Variants in OVOL2 observed in about 807,000 individuals in gnomAD.
The protein encoded by OVOL2 is transcription factor Ovo-like 2.
In OVOL2, 13 loss-of-function variants were observed where a neutral mutation model predicts 18.1. That is an observed-to-expected ratio of 0.72 (90% CI 0.47 to 1.14). The LOEUF (loss-of-function observed/expected upper bound fraction) is 1.14, where lower values mean the gene tolerates loss of function less well. Ranked by LOEUF, OVOL2 falls within the 50% of genes most tolerant of loss-of-function variation. The pLI, the probability that OVOL2 is intolerant of heterozygous loss-of-function variation, is 0.00. For missense variants in OVOL2, 335 were observed against 383.0 expected (o/e 0.87, Z 1.05); for synonymous variants, 166 against 162.7 (o/e 1.02, Z -0.16).
At chr20:18,047,853 C>CAA (rs34668253) in intron 2 of OVOL2, among the ~76,000 whole-genome samples, 7,248 of 46,938 alleles carry the variant, frequency 0.15, 1,112 homozygotes, top group South Asian at 0.19. Context: ...GACTCCGTCT[C>CAA]AAAAAAAAAA....
Position 18,024,607 on chromosome 20 carries a change from G to T in OVOL2, c.*29C>A. The T allele has an allele frequency of 6.5e-7, 1 of 1,537,894 alleles. No individual in the cohort carries two copies. Among genetic ancestry groups the T allele is most frequent in the Non-Finnish European group, 8.8e-7 (1 of 1,138,764 alleles). On this transcript the variant is annotated 3_prime_UTR_variant, in exon 4 of 4. Coordinates refer to ENST00000278780, the MANE Select transcript of OVOL2 (RefSeq NM_021220.4). ...AATCCACGTAGACATACGTGGCAGT[G>T]TGAACGTCTGTCCTCCCCTTCCTTC...
intron 3 of OVOL2, among the ~76,000 whole-genome samples, chr20:18,041,295 C>T (rs1254842597): frequency 7.0e-6 from 1 of 142,592 alleles, no homozygotes; most frequent in Non-Finnish European, 1.5e-5. Flanking sequence ...TCCCAAGTAG[C>T]TGGGATTACA....
intron 3 of OVOL2, among the ~76,000 whole-genome samples, chr20:18,034,534 T>C (rs370715398): frequency 6.6e-6 from 1 of 152,150 alleles, no homozygotes; most frequent in Admixed American, 6.5e-5. Context: ...CCACTTGTTT[T>C]CACAAAATAT....
At chr20:18,044,676 G>A (rs1043190538) in intron 2 of OVOL2, among the ~76,000 whole-genome samples, 3 of 152,214 alleles carry the variant, frequency 2.0e-5, no homozygotes, top group Admixed American at 1.3e-4. Flanking sequence ...TAGTGGGGGT[G>A]CAGGCAAGTC....
intron 3 of OVOL2, among the ~76,000 whole-genome samples, chr20:18,038,441 T>C (rs1294394947): frequency 6.6e-6 from 1 of 152,154 alleles, no homozygotes; most frequent in Admixed American, 6.5e-5. Context: ...TTAGAACAAG[T>C]CTCACAGTCA....
At chr20:18,031,463 G>C (rs2036569896) in intron 3 of OVOL2, among the ~76,000 whole-genome samples, 1 of 152,158 alleles carries the variant, frequency 6.6e-6, no homozygotes, top group East Asian at 1.9e-4. Flanking sequence ...TGTAATCCCA[G>C]CTACTCGGGA....
intron 2 of OVOL2, among the ~76,000 whole-genome samples, chr20:18,046,618 T>C (rs973192787): frequency 1.3e-5 from 2 of 152,150 alleles, no homozygotes; most frequent in African/African-American, 4.8e-5. Context: ...AACGTATCAT[T>C]CTCTCCAGAC....
At chr20:18,027,202 C>T (rs6045141) in intron 3 of OVOL2, among the ~76,000 whole-genome samples, 110,838 of 151,940 alleles carry the variant, frequency 0.73, 41,378 homozygotes, top group African/African-American at 0.91. Flanking sequence ...TTCCCGTAGG[C>T]CATATCAGCA....
Position 18,041,424 on chromosome 20 carries a change from A to G in OVOL2, c.511+110T>C, listed in dbSNP as rs2036666828. ...GTGATCCGCATCTTGTGATCTTTCT[A>G]GAAACACAACATTGTTCCACGGTCT... On this transcript the variant is annotated intron_variant, in intron 3 of 3. Coordinates refer to ENST00000278780, the MANE Select transcript of OVOL2 (RefSeq NM_021220.4). The G allele has an allele frequency of 3.8e-6, 5 of 1,312,360 alleles. No homozygotes were observed. The South Asian group carries it at 6.1e-5, about 16-fold the overall frequency. 81.3% of individuals were successfully genotyped at this position (1,312,360 alleles called of 1,614,324 possible).
chr20:18,057,522 C>G lies in OVOL2; in HGVS notation c.100+13G>C, dbSNP rs771358285. On this transcript the variant is annotated intron_variant, in intron 1 of 3. Coordinates refer to ENST00000278780, the MANE Select transcript of OVOL2 (RefSeq NM_021220.4). This position sits in a 1 kb window ranked among gnomAD's most constrained non-coding sequence, Gnocchi z 6.3. ...GAGCCCAGCGCCCAGGCCCGGCCCC[C>G]GCGCGCGCTCACCTGGGATGTAGGT... 1 of 1,559,888 alleles carries G rather than the reference C, an allele frequency of 6.4e-7. No homozygotes were observed.
At chr20:18,040,500 A>G (rs1261925622) in intron 3 of OVOL2, among the ~76,000 whole-genome samples, 1 of 152,212 alleles carries the variant, frequency 6.6e-6, no homozygotes, top group Non-Finnish European at 1.5e-5. Flanking sequence ...CATTCTGTTC[A>G]GAGTTGGAGA....
intron 2 of OVOL2, among the ~76,000 whole-genome samples, chr20:18,044,845 A>G (rs940985632): frequency 2.6e-5 from 4 of 152,180 alleles, no homozygotes; most frequent in African/African-American, 9.7e-5. Context: ...GGAGAGGACA[A>G]TGGGAAAGAG....
At chr20:18,042,110 A>T (rs980722001) in intron 2 of OVOL2, among the ~76,000 whole-genome samples, 2 of 151,824 alleles carry the variant, frequency 1.3e-5, no homozygotes, top group Non-Finnish European at 2.9e-5. Flanking sequence ...ACAGGGTTTC[A>T]CCATGTTGGC....
chr20:18,049,018 A>G (rs2036748653), intron 2 of OVOL2, among the ~76,000 whole-genome samples: 2 of 152,242 alleles, frequency 1.3e-5, no homozygotes. Flanking sequence ...AAACTACCAT[A>G]CAGGGAGGGA....
chr20:18,030,194 A>T (rs925297722), intron 3 of OVOL2, among the ~76,000 whole-genome samples: 1 of 152,142 alleles, frequency 6.6e-6, no homozygotes, highest in Non-Finnish European at 1.5e-5. Context: ...TTGCACTGTA[A>T]TGCAGACTTT....
intron 3 of OVOL2, among the ~76,000 whole-genome samples, chr20:18,032,400 G>A (rs868648990): frequency 7.0e-6 from 1 of 142,506 alleles, no homozygotes; most frequent in African/African-American, 3.0e-5. Flanking sequence ...AAGGAAGGGA[G>A]GAAGGAAGGA....
chr20:18,050,597 A>T (rs558785516), intron 2 of OVOL2: 2 of 152,322 alleles, frequency 1.3e-5, no homozygotes, highest in African/African-American at 4.8e-5. Flanking sequence ...ATTAATACAC[A>T]TTGTTCTCAT....
intron 3 of OVOL2, among the ~76,000 whole-genome samples, chr20:18,037,067 C>T (rs6111801): frequency 0.012 from 1,736 of 146,584 alleles, 34 homozygotes; most frequent in African/African-American, 0.039. Flanking sequence ...ACCTGGGAGG[C>T]GGAGCTTGCA....
chr20:18,031,037 C>A (rs1293850044), intron 3 of OVOL2, among the ~76,000 whole-genome samples: 2 of 152,198 alleles, frequency 1.3e-5, no homozygotes, highest in African/African-American at 2.4e-5. Context: ...CACTGAGGCT[C>A]ACCCATCTTG....
Sources: gnomAD v4.1 joint callset for allele counts (sites outside exome capture counted in the v4.1 genomes callset) on GRCh38, gnomAD v4.1.1 for gene constraint, Gnocchi (gnomAD v3.1) non-coding constraint, MANE v1.5 for transcripts, NCBI Gene and HGNC (gene_info 2026-07-23, HGNC 2026-07-21) for gene names.